Variants in SMYD3 observed in about 807,000 individuals in gnomAD.
The protein encoded by SMYD3 is SET and MYND domain containing 3.
A neutral mutation model predicts 57.7 loss-of-function variants in SMYD3; 36 were observed. The ratio of observed to expected loss-of-function variants is 0.62; its 90% CI spans 0.48 to 0.82. The LOEUF (loss-of-function observed/expected upper bound fraction) is 0.82. Ranked by LOEUF, SMYD3 falls within the 40% of genes least tolerant of loss-of-function variation. The pLI is 0.00. For missense variants in SMYD3, 515 were observed against 538.8 expected, an observed-to-expected ratio of 0.96 and a Z score of 0.44; for synonymous variants, 211 against 195.0, an observed-to-expected ratio of 1.08 and a Z score of -0.68.
At chr1:246,505,097 T>C (rs994044411) in intron 1 of SMYD3, among the ~76,000 whole-genome samples, 2 of 152,232 alleles carry the variant, frequency 1.3e-5, no homozygotes, top group African/African-American at 4.8e-5. Flanking sequence ...TGTGTCTGTG[T>C]AAAATACTAG....
chr1:245,813,903 T>TATATATATATATATATATATACACAC (rs1447467637), intron 10 of SMYD3, among the ~76,000 whole-genome samples: 1 of 145,936 alleles, frequency 6.9e-6, no homozygotes, highest in African/African-American at 2.7e-5. Context: ...TATATATATA[T>TATATATATATATATATATATACACAC]ACAGATGAAT....
chr1:246,012,018 CTGGTACTGGCTG>C (rs1349206701), intron 5 of SMYD3, among the ~76,000 whole-genome samples: 3 of 152,180 alleles, frequency 2.0e-5, no homozygotes, highest in African/African-American at 7.2e-5. Context: ...CAATTGCTTG[CTGGTACTGGCTG>C]TCAATATCAT....
chr1:246,323,344 G>C (rs2065282122), intron 5 of SMYD3, among the ~76,000 whole-genome samples: 1 of 152,102 alleles, frequency 6.6e-6, no homozygotes, highest in Non-Finnish European at 1.5e-5. Flanking sequence ...GGAATATCTG[G>C]GAATATGACC....
chr1:246,363,374 G>A (rs1212797752), intron 1 of SMYD3, among the ~76,000 whole-genome samples: 1 of 152,102 alleles, frequency 6.6e-6, no homozygotes, highest in South Asian at 2.1e-4. Context: ...CCCCTACTGG[G>A]AAGTGAGGAG....
chr1:246,431,524 G>T (rs1056670129), intron 1 of SMYD3, among the ~76,000 whole-genome samples: 1 of 152,168 alleles, frequency 6.6e-6, no homozygotes, highest in African/African-American at 2.4e-5. Flanking sequence ...GAAGCCAGGA[G>T]TTCGAGACCA....
chr1:246,425,959 C>T (rs1358799396), intron 1 of SMYD3: 1 of 151,816 alleles, frequency 6.6e-6, no homozygotes, highest in East Asian at 1.9e-4. Flanking sequence ...ATCTTTTTTT[C>T]TTGCTATTGT....
At chr1:245,884,028 G>C (rs1477714627) in intron 8 of SMYD3, among the ~76,000 whole-genome samples, 1 of 152,154 alleles carries the variant, frequency 6.6e-6, no homozygotes, top group Non-Finnish European at 1.5e-5. Flanking sequence ...ATCCAGGTCA[G>C]AGGATTCCAG....
intron 1 of SMYD3, among the ~76,000 whole-genome samples, chr1:246,400,344 G>A (rs943720749): frequency 2.0e-5 from 3 of 152,228 alleles, no homozygotes; most frequent in African/African-American, 4.8e-5. Context: ...AATATTCTTC[G>A]CAGCTATACC....
chr1:246,282,811 C>T (rs1199146893), intron 5 of SMYD3, among the ~76,000 whole-genome samples: 4 of 152,170 alleles, frequency 2.6e-5, no homozygotes, highest in Non-Finnish European at 4.4e-5. Context: ...AATAACTGAA[C>T]AGTCAACAAA....
intron 7 of SMYD3, among the ~76,000 whole-genome samples, chr1:245,923,885 T>C (rs1320244693): frequency 1.3e-5 from 2 of 152,254 alleles, no homozygotes; most frequent in Non-Finnish European, 2.9e-5. Flanking sequence ...CTAAAACTGC[T>C]ACCAACTCCT....
At chr1:245,940,512 G>T (rs1158729425) in intron 5 of SMYD3, among the ~76,000 whole-genome samples, 107 of 152,010 alleles carry the variant, frequency 7.0e-4, no homozygotes, top group Non-Finnish European at 1.0e-4. Context: ...ATACGGTCTG[G>T]AATGGACTCA....
rs867535707 is a variant in SMYD3, at chr1:246,152,852, A to T, written c.531+174349T>A. 5.3e-5 allele frequency among the ~76,000 whole-genome samples: 8 copies of T among 150,170 alleles called. No homozygotes were observed. In the South Asian group the frequency reaches 1.3e-3, roughly 24 times the overall value. ...GATGGTAAAAATAGGTAATGATAGG[A>T]GCTATTTCACACTGTTTTGAGGACT... On this transcript the variant is annotated intron_variant, in intron 5 of 11. Coordinates refer to ENST00000490107, the MANE Select transcript of SMYD3 (RefSeq NM_001167740.2).
chr1:246,414,089 C>A (rs2102989482), intron 1 of SMYD3, among the ~76,000 whole-genome samples: 1 of 152,244 alleles, frequency 6.6e-6, no homozygotes, highest in Non-Finnish European at 1.5e-5. Flanking sequence ...AAATGTATCC[C>A]TACATGTGCC....
At chr1:245,934,724 G>C (rs1295578596) in intron 5 of SMYD3, among the ~76,000 whole-genome samples, 1 of 152,076 alleles carries the variant, frequency 6.6e-6, no homozygotes, top group Non-Finnish European at 1.5e-5. Context: ...GAAGGTTTAC[G>C]AGAGTACAGG....
chr1:246,330,505 A>C lies in SMYD3; in HGVS notation c.369T>G (p.Leu123=). 1 of 1,594,986 alleles carries C rather than the reference A, an allele frequency of 6.3e-7. No individual in the cohort carries two copies. Among genetic ancestry groups the C allele is most frequent in the African/African-American group, 1.3e-5 (1 of 74,452 alleles). ...MDGAPSESEK[L]YSFYDLESNI... is the part of the protein sequence containing the mutation. ...TTGACTCCAGATCATAAAATGAGTA[A>C]AGCTTCTCTGATTCTGAAGGTGCTC... The change falls in exon 4 of 12, where the codon CTT becomes CTG. Residue 123 remains leucine, a synonymous_variant. Coordinates refer to ENST00000490107, the MANE Select transcript of SMYD3 (RefSeq NM_001167740.2).
chr1:245,869,249 G>C (rs1290296387), intron 8 of SMYD3, among the ~76,000 whole-genome samples: 1 of 152,142 alleles, frequency 6.6e-6, no homozygotes, highest in African/African-American at 2.4e-5. Flanking sequence ...ATGCTAAAAA[G>C]AATTCAGCCT....
At chr1:246,342,221 A>G (rs1487864555) in intron 2 of SMYD3, among the ~76,000 whole-genome samples, 1 of 152,192 alleles carries the variant, frequency 6.6e-6, no homozygotes, top group African/African-American at 2.4e-5. Flanking sequence ...TTAACTAAAC[A>G]TCTTCTACGT....
intron 5 of SMYD3, among the ~76,000 whole-genome samples, chr1:246,077,459 G>A (rs997152662): frequency 2.0e-5 from 3 of 151,978 alleles, no homozygotes; most frequent in African/African-American, 7.3e-5. Flanking sequence ...AGCCAAGATG[G>A]CAAGCCTGGG....
intron 5 of SMYD3, among the ~76,000 whole-genome samples, chr1:245,983,180 C>T (rs1007996301): frequency 1.3e-5 from 2 of 152,112 alleles, no homozygotes; most frequent in Admixed American, 6.5e-5. Flanking sequence ...TGGCAGCTTT[C>T]GGGACATTGT....
Sources: allele counts gnomAD v4.1 joint callset (sites outside exome capture counted in the v4.1 genomes callset), GRCh38; gene constraint gnomAD v4.1.1; transcripts MANE v1.5; gene names NCBI Gene and HGNC (gene_info 2026-07-23, HGNC 2026-07-21).